RTN4: variants seen among roughly 807,000 people sequenced by gnomAD.
The protein encoded by RTN4 is reticulon 4, also known as reticulon-4.
RTN4 carries 32 observed loss-of-function variants against 90.4 expected under a neutral mutation model. The observed-to-expected ratio is 0.35, with a 90% CI of 0.27 to 0.48. The LOEUF is 0.48. Among genes scored for constraint, RTN4 ranks in the 20% least tolerant of loss-of-function variants. The probability of loss-of-function intolerance (pLI) is 0.99; values close to 1 mark genes in which losing one functional copy is unlikely to be tolerated. For synonymous variants in RTN4, 629 were observed against 552.5 expected, an observed-to-expected ratio of 1.14 and a Z score of -1.94; for missense variants, 1,706 against 1,430.2, an observed-to-expected ratio of 1.19 and a Z score of -3.11.
At chr2:55,042,973 C>T (rs567651314) in intron 1 of RTN4, among the ~76,000 whole-genome samples, 2 of 152,242 alleles carry the variant, frequency 1.3e-5, no homozygotes, top group South Asian at 4.2e-4. Context: ...ATGAAAGCAA[C>T]TTAAAAATCA....
the RTN4 span, among the ~76,000 whole-genome samples, chr2:55,121,094 C>T: frequency 7.4e-4 from 112 of 152,350 alleles, no homozygotes; most frequent in Non-Finnish European, 8.8e-4. Context: ...GAATCCCACA[C>T]AACAGCAACA....
chr2:55,010,084 T>C (rs1433020019), intron 3 of RTN4: 4 of 1,613,428 alleles, frequency 2.5e-6, no homozygotes, highest in Admixed American at 1.7e-5. Flanking sequence ...AAAGCAGATA[T>C]ACCCTTGTCC....
At chr2:55,010,966 A>G (rs1206661422) in intron 3 of RTN4, among the ~76,000 whole-genome samples, 5 of 152,206 alleles carry the variant, frequency 3.3e-5, no homozygotes, top group Non-Finnish European at 7.3e-5. Flanking sequence ...TTGGGGAGAT[A>G]TATTCATGGG....
At chr2:55,028,403 T>C (rs922107906) in intron 1 of RTN4, among the ~76,000 whole-genome samples, 183 bp from the exon 2 acceptor site, 1 of 152,216 alleles carries the variant, frequency 6.6e-6, no homozygotes, top group African/African-American at 2.4e-5. Context: ...AATCATCATA[T>C]GTATTATAAA....
chr2:55,006,536 T>C (rs1680239625), intron 3 of RTN4, among the ~76,000 whole-genome samples: 1 of 152,156 alleles, frequency 6.6e-6, no homozygotes, highest in South Asian at 2.1e-4. Context: ...CACGGAAGTA[T>C]GCTGCAGAAA....
At chr2:55,019,994 AG>A (rs1681309898) in intron 3 of RTN4, among the ~76,000 whole-genome samples, 1 of 152,212 alleles carries the variant, frequency 6.6e-6, no homozygotes, top group African/African-American at 2.4e-5. Context: ...TTAACCAAGG[AG>A]GTGAAAGACT....
intron 2 of RTN4, among the ~76,000 whole-genome samples, chr2:55,059,526 G>A (rs900742972): frequency 2.6e-5 from 4 of 151,974 alleles, no homozygotes; most frequent in Middle Eastern, 3.4e-3. Flanking sequence ...GCTAATTTTT[G>A]TATATTTACT....
At position 55,026,897 on chromosome 2, in the gene RTN4, T is replaced by G; in HGVS notation, c.1202A>C (p.Glu401Ala). The change falls in exon 3 of 9, where the codon GAA becomes GCA. Residue 401 changes from glutamate (E) to alanine (A), a missense_variant. Coordinates refer to ENST00000337526, the MANE Select transcript of RTN4 (RefSeq NM_020532.5). ...ERVWEVKDSK[E>A]DSDMLAAGGK... is the part of the protein sequence containing the mutation. ...TCCAGCAGCCAACATATCACTATCT[T>G]CCTTACTATCTTTCACTTCCCATAC... is the stretch of plus-strand genomic sequence containing the variant. 6.2e-7 allele frequency: 1 copy of G among 1,613,812 alleles called. No homozygotes were observed. The highest frequency in any genetic ancestry group is 1.1e-5 in the South Asian group (1 of 91,078).
intron 2 of RTN4, among the ~76,000 whole-genome samples, chr2:55,077,756 T>TACACACACACACACACACACAC (rs200121610): frequency 3.5e-5 from 5 of 144,464 alleles, no homozygotes; most frequent in African/African-American, 1.3e-4. Flanking sequence ...AAATGTTTTA[T>TACACACACACACACACACACAC]ACACACACAC....
At chr2:55,023,530 G>T (rs768160155) in intron 3 of RTN4, among the ~76,000 whole-genome samples, 1 of 151,512 alleles carries the variant, frequency 6.6e-6, no homozygotes, top group Non-Finnish European at 1.5e-5. Context: ...AAGCTCTATC[G>T]TTCCTTCTCT....
intron 2 of RTN4, among the ~76,000 whole-genome samples, chr2:55,058,053 A>G (rs1668221352): frequency 6.6e-6 from 1 of 152,206 alleles, no homozygotes; most frequent in African/African-American, 2.4e-5. Flanking sequence ...AACTAAAACT[A>G]GGATGGTGGG....
rs1002900248 is a variant in RTN4 at position 55,106,013 on chromosome 2, G to T, written c.-214+6507C>A. ...AATTTTTTAAGCAATCTTTTATTTT[G>T]TATCTTATTTCTTTTCTCTTATGCT... On this transcript the variant is annotated intron_variant, in intron 1 of 3. Transcript: ENST00000427710. Among the ~76,000 whole-genome samples the T allele has an allele frequency of 8.5e-5, 13 of 152,152 alleles. 1 individual carries two copies. Among genetic ancestry groups the T allele is most frequent in the African/African-American group, 3.1e-4 (13 of 41,486 alleles).
At chr2:55,006,677 A>C (rs1558795063) in intron 3 of RTN4, among the ~76,000 whole-genome samples, 1 of 152,192 alleles carries the variant, frequency 6.6e-6, no homozygotes, top group African/African-American at 2.4e-5. Context: ...TCCAAAGAGT[A>C]CTGTAACAAT....
chr2:55,001,526 T>C (rs1040559595), intron 3 of RTN4, among the ~76,000 whole-genome samples: 3 of 152,182 alleles, frequency 2.0e-5, no homozygotes, highest in Admixed American at 6.5e-5. Flanking sequence ...TAATCCAAGC[T>C]CATAAATATC....
At chr2:55,053,619 G>A (rs535105165), upstream of RTN4, among the ~76,000 whole-genome samples, 3 of 152,070 alleles carry the variant, frequency 2.0e-5, no homozygotes, top group South Asian at 6.2e-4. Flanking sequence ...CTGAGAGGCA[G>A]GGGTTGCAGT....
intron 5 of RTN4, among the ~76,000 whole-genome samples, chr2:54,975,687 A>C (rs142571157): frequency 9.8e-5 from 15 of 152,350 alleles, no homozygotes; most frequent in African/African-American, 3.6e-4. Flanking sequence ...TCTAAAGCAT[A>C]TATCTTTCTC....
chr2:55,035,705 C>T (rs561243677), intron 1 of RTN4, among the ~76,000 whole-genome samples: 1 of 151,526 alleles, frequency 6.6e-6, no homozygotes, highest in African/African-American at 2.4e-5. Flanking sequence ...ATGATCAAGA[C>T]AGAGACTGAG....
chr2:55,034,189 C>A lies in RTN4; in HGVS notation c.557-5969G>T, dbSNP rs1298028405. On this transcript the variant is annotated intron_variant, in intron 1 of 8. Transcript: ENST00000337526. ...TGACAGCTTAAAAAAACAGAATTGG[C>A]TGTATTATTCAAAACATATTTTTTT... Among the ~76,000 whole-genome samples, 4 of 152,130 alleles carry A rather than the reference C, an allele frequency of 2.6e-5. No individual in the cohort carries two copies. The East Asian group carries it at 7.7e-4, about 29-fold the overall frequency.
chr2:55,100,791 T>G (rs1667839411), intron 1 of RTN4, among the ~76,000 whole-genome samples: 1 of 152,180 alleles, frequency 6.6e-6, no homozygotes, highest in African/African-American at 2.4e-5. Context: ...ATTCTCAGGA[T>G]GCACTAGGGT....
Sources: allele counts gnomAD v4.1 joint callset (sites outside exome capture counted in the v4.1 genomes callset), GRCh38; gene constraint gnomAD v4.1.1; transcripts MANE v1.5; gene names NCBI Gene and HGNC (gene_info 2026-07-23, HGNC 2026-07-21).